Variants in RASGRF2 observed in about 807,000 individuals in gnomAD.
RASGRF2 encodes the protein ras-specific guanine nucleotide-releasing factor 2.
RASGRF2 carries 76 observed loss-of-function variants against 151.0 expected under a neutral mutation model. The observed-to-expected ratio is 0.50, with a 90% CI of 0.42 to 0.61. The LOEUF (loss-of-function observed/expected upper bound fraction) is 0.61, where lower values mean the gene tolerates loss of function less well. Among genes scored for constraint, RASGRF2 ranks in the 20% least tolerant of loss-of-function variants. The pLI is 0.00. For synonymous variants in RASGRF2, 504 were observed against 566.5 expected (o/e 0.89, Z 1.57); for missense variants, 1,148 against 1,564.6 (o/e 0.73, Z 4.49).
intron 2 of RASGRF2, among the ~76,000 whole-genome samples, chr5:81,061,871 T>C (rs1184853607): frequency 6.6e-6 from 1 of 151,704 alleles, no homozygotes; most frequent in Non-Finnish European, 1.5e-5. Context: ...ATTTATTTTG[T>C]AGAGATGGGG....
In RASGRF2 at chr5:81,092,856, G is replaced by A. The variant is rs546784501; in HGVS notation, c.1446G>A (p.Leu482=). 3.1e-6 allele frequency: 5 copies of A among 1,613,316 alleles called. No homozygotes were observed. The highest frequency in any genetic ancestry group is 4.2e-6 in the Non-Finnish European group (5 of 1,179,344). ...VERGKLSKVR[L]GSLSLKKEGE... The stretch of plus-strand genomic sequence containing the variant: ...GGGGGAAACTTAGTAAAGTTCGCCT[G>A]GGTTCGTTGTCTTTGAAAAAGGAAG... The change falls in exon 10 of 27, where the codon CTG becomes CTA. Residue 482 remains leucine, a synonymous_variant. Transcript: ENST00000265080.
intron 1 of RASGRF2, among the ~76,000 whole-genome samples, chr5:80,974,188 A>C (rs575307153): frequency 2.0e-5 from 3 of 152,228 alleles, no homozygotes; most frequent in Non-Finnish European, 4.4e-5. Flanking sequence ...CAATTGTTCC[A>C]GACAGTTCGA....
chr5:81,179,605 C>T (rs1561247598), intron 17 of RASGRF2, among the ~76,000 whole-genome samples: 1 of 152,192 alleles, frequency 6.6e-6, no homozygotes, highest in African/African-American at 2.4e-5. Context: ...AGATCTATCA[C>T]CTGGCATATT....
rs1301622802 is a variant in RASGRF2 at position 81,123,753 on chromosome 5, A to G, written c.2582A>G (p.Tyr861Cys). 12 of 1,613,818 alleles carry G rather than the reference A, an allele frequency of 7.4e-6. No individual in the cohort carries two copies. Among genetic ancestry groups the G allele is most frequent in the Non-Finnish European group, 9.3e-6 (11 of 1,179,818 alleles). Residue 861 changes from tyrosine to cysteine, a missense_variant, in exon 16 of 27, where the codon TAT becomes TGT. Physicochemically the swap from Tyr to Cys is radical, Grantham distance 194. Transcript: ENST00000265080. Reference sequence around the variant, plus strand: ...CCCTCAACTCCTCGGCACCTCCGCTATCGACAGCCTGGAGGTAAGAGCTCA... The same window carrying G: ...CCCTCAACTCCTCGGCACCTCCGCTGTCGACAGCCTGGAGGTAAGAGCTCA... ...RSPSTPRHLR[Y>C]RQPGGQTADN...
In RASGRF2 at chr5:81,038,567, C is replaced by CTTTTTT. The variant is rs56205345; in HGVS notation, c.289-4292_289-4287dup. On this transcript the variant is annotated intron_variant, in intron 1 of 26. Transcript: ENST00000265080. ...AAAAATATTGATTTGTAAATATTTGCTTTTTTTTTTTTTTTTTTTTTTTGT... is the reference window on the plus strand; with the variant it reads ...AAAAATATTGATTTGTAAATATTTGCTTTTTTTTTTTTTTTTTTTTTTTTTTTTTGT... Among the ~76,000 whole-genome samples, 154 of 83,926 alleles carry CTTTTTT rather than the reference C, an allele frequency of 1.8e-3. 1 individual carries two copies. Among genetic ancestry groups the CTTTTTT allele is most frequent in the African/African-American group, 2.3e-3 (53 of 22,652 alleles). The allele number at this position is 83,926 out of a possible 152,430, so 55.1% of individuals were successfully genotyped here.
intron 17 of RASGRF2, among the ~76,000 whole-genome samples, chr5:81,155,551 A>T (rs1210486826): frequency 6.6e-6 from 1 of 152,190 alleles, no homozygotes; most frequent in Non-Finnish European, 1.5e-5. Flanking sequence ...AAATAATTAT[A>T]AGGAAATATT....
intron 10 of RASGRF2, among the ~76,000 whole-genome samples, chr5:81,093,869 C>T (rs536389780): frequency 3.9e-5 from 6 of 152,172 alleles, no homozygotes; most frequent in East Asian, 1.9e-4. Flanking sequence ...TACTATCTGA[C>T]CCTTTATGGA....
intron 17 of RASGRF2, among the ~76,000 whole-genome samples, chr5:81,148,454 A>C (rs182439709): frequency 6.6e-6 from 1 of 152,228 alleles, no homozygotes; most frequent in East Asian, 1.9e-4. Context: ...TAATTTTCCA[A>C]CAGGGCTCAG....
chr5:80,969,815 CTTTTTTTTTTTTTT>C (rs10584906), intron 1 of RASGRF2, among the ~76,000 whole-genome samples: 3 of 76,944 alleles, frequency 3.9e-5, no homozygotes, highest in Non-Finnish European at 4.4e-5. Flanking sequence ...ACTTCTTCTT[CTTTTTTTTTTTTTT>C]TTTTTTTTTT....
chr5:80,993,461 T>G (rs1474524178), intron 1 of RASGRF2, among the ~76,000 whole-genome samples: 2 of 152,340 alleles, frequency 1.3e-5, no homozygotes, highest in East Asian at 3.9e-4. Context: ...TCCTAATTTA[T>G]GTAGTGAGAG....
At chr5:81,215,267 CTT>C (rs772223510) in intron 23 of RASGRF2, among the ~76,000 whole-genome samples, 233 of 119,728 alleles carry the variant, frequency 1.9e-3, no homozygotes, top group Middle Eastern at 8.6e-3. Flanking sequence ...AATATAGAAT[CTT>C]TTTTTTTTTT....
chr5:81,207,191 G>A, intron 20 of RASGRF2, 55 bp from the exon 21 acceptor site: 1 of 1,462,458 alleles, frequency 6.8e-7, no homozygotes, highest in Non-Finnish European at 9.6e-7. Context: ...GACCTGCAAT[G>A]AGATGGCAGG....
chr5:81,151,016 G>T (rs962553438), intron 17 of RASGRF2, among the ~76,000 whole-genome samples: 1 of 152,168 alleles, frequency 6.6e-6, no homozygotes, highest in African/African-American at 2.4e-5. Flanking sequence ...AGACAGTTTT[G>T]ATGGGCTATA....
At chr5:81,117,591 C>T (rs1753194773) in intron 15 of RASGRF2, among the ~76,000 whole-genome samples, 1 of 152,204 alleles carries the variant, frequency 6.6e-6, no homozygotes, top group South Asian at 2.1e-4. Flanking sequence ...CCATAACACT[C>T]TGTCCCTTTT....
rs1015553987 is a variant in RASGRF2 at position 81,146,639 on chromosome 5, A to G, written c.2686+19476A>G. ...CCAATGATTTTAGAAAAGAATCCATAGAGAAGTGGGAATTCTAAAATTTGT... is the reference window on the plus strand; with the variant it reads ...CCAATGATTTTAGAAAAGAATCCATGGAGAAGTGGGAATTCTAAAATTTGT... On this transcript the variant is annotated intron_variant, in intron 17 of 26. Coordinates refer to ENST00000265080, the MANE Select transcript of RASGRF2 (RefSeq NM_006909.3). Among the ~76,000 whole-genome samples the G allele has an allele frequency of 4.0e-4, 61 of 152,184 alleles. 1 individual carries two copies. The highest frequency in any genetic ancestry group is 3.9e-4 in the Admixed American group (6 of 15,276).
intron 1 of RASGRF2, among the ~76,000 whole-genome samples, chr5:80,968,633 T>C (rs1338106987): frequency 6.6e-6 from 1 of 152,200 alleles, no homozygotes; most frequent in Admixed American, 6.5e-5. Context: ...GGAGATGGAA[T>C]TGGCTTTTAA....
chr5:81,124,687 T>C (rs1258388727), intron 16 of RASGRF2, among the ~76,000 whole-genome samples: 1 of 130,452 alleles, frequency 7.7e-6, no homozygotes, highest in Non-Finnish European at 1.6e-5. Context: ...TGTCCTCTAA[T>C]TGGAGAAAAA....
intron 17 of RASGRF2, among the ~76,000 whole-genome samples, chr5:81,156,872 G>A (rs1474776583): frequency 6.6e-6 from 1 of 152,086 alleles, no homozygotes; most frequent in Non-Finnish European, 1.5e-5. Context: ...AAAAGAGGAA[G>A]TAAAACTGTC....
chr5:81,166,144 G>A (rs1754501506), intron 17 of RASGRF2, among the ~76,000 whole-genome samples: 1 of 151,902 alleles, frequency 6.6e-6, no homozygotes, highest in Non-Finnish European at 1.5e-5. Context: ...CGGATTACTG[G>A]GGCAAAAAGT....
Sources: allele counts gnomAD v4.1 joint callset (sites outside exome capture counted in the v4.1 genomes callset), GRCh38; gene constraint gnomAD v4.1.1; transcripts MANE v1.5; gene names NCBI Gene and HGNC (gene_info 2026-07-23, HGNC 2026-07-21).